The following ITCH variants were observed in gnomAD, a reference collection of about 807,000 sequenced individuals.
The protein encoded by ITCH is itchy E3 ubiquitin protein ligase, also known as E3 ubiquitin-protein ligase Itchy homolog.
In ITCH, 28 loss-of-function variants were observed where a neutral mutation model predicts 126.8. The observed-to-expected ratio is 0.22, with a 90% CI of 0.16 to 0.30. The LOEUF (loss-of-function observed/expected upper bound fraction) is 0.30, where lower values mean the gene tolerates loss of function less well. Among genes scored for constraint, ITCH ranks in the 10% least tolerant of loss-of-function variants. The pLI, the probability that ITCH is intolerant of heterozygous loss-of-function variation, is 1.00. For synonymous variants in ITCH, 342 were observed against 340.0 expected, an observed-to-expected ratio of 1.01 and a Z score of -0.06; for missense variants, 631 against 1,032.4, an observed-to-expected ratio of 0.61 and a Z score of 5.33.
chr20:34,387,085 C>T (rs931124839), intron 2 of ITCH, among the ~76,000 whole-genome samples: 4 of 149,994 alleles, frequency 2.7e-5, no homozygotes, highest in Non-Finnish European at 5.9e-5. Context: ...GGCAGATCAC[C>T]TGAGGTCAGG....
chr20:34,480,862 C>G, intron 19 of ITCH, 130 bp downstream of exon 19: 1 of 980,280 alleles, frequency 1.0e-6, no homozygotes, highest in South Asian at 1.6e-5. Context: ...TCAAACCTGT[C>G]TTTTTATTCA....
At chr20:34,498,947 C>A (rs2146543752) in intron 23 of ITCH, among the ~76,000 whole-genome samples, 1 of 151,014 alleles carries the variant, frequency 6.6e-6, no homozygotes, top group South Asian at 2.1e-4. Flanking sequence ...TCCATTGGTT[C>A]CTAGACTTTT....
intron 4 of ITCH, among the ~76,000 whole-genome samples, chr20:34,411,335 G>A (rs568543881): frequency 6.6e-6 from 1 of 152,058 alleles, no homozygotes; most frequent in Admixed American, 6.6e-5. Context: ...TGTAATTTTA[G>A]TAGAGACGGG....
Position 34,481,063 on chromosome 20 carries a change from C to A in ITCH, c.1953-3C>A, listed in dbSNP as rs946679538. ...ACAAATAGTGCTAATTTCATTTGTG[C>A]AGGGAAAACAATATTGAGGAATGTG... On this transcript the variant is annotated splice_region_variant and splice_polypyrimidine_tract_variant and intron_variant, in intron 19 of 24. Coordinates refer to ENST00000374864, the MANE Select transcript of ITCH (RefSeq NM_031483.7). 15 of 1,612,962 alleles carry A rather than the reference C, an allele frequency of 9.3e-6. No homozygotes were observed. The highest frequency in any genetic ancestry group is 2.7e-5 in the African/African-American group (2 of 74,856).
intron 16 of ITCH, among the ~76,000 whole-genome samples, chr20:34,474,348 A>C (rs1987929788): frequency 6.6e-6 from 1 of 152,176 alleles, no homozygotes; most frequent in African/African-American, 2.4e-5. Flanking sequence ...ACTTGAGATT[A>C]GGGAGTGGTG....
rs1360771805 is a variant in ITCH at position 34,470,136 on chromosome 20, G to T, written c.1497+16G>T. 6.3e-7 allele frequency: 1 copy of T among 1,590,560 alleles called. No homozygotes were observed. The highest frequency in any genetic ancestry group is 1.7e-5 in the Admixed American group (1 of 59,412). ...CTGGTGTCAGGTTAGTATTGGAACTGTATCTCTGTACTGCCTTAACTTTGT... is the reference window on the plus strand; with the variant it reads ...CTGGTGTCAGGTTAGTATTGGAACTTTATCTCTGTACTGCCTTAACTTTGT... On this transcript the variant is annotated intron_variant, in intron 15 of 24. Transcript: ENST00000374864.
intron 24 of ITCH, among the ~76,000 whole-genome samples, chr20:34,505,203 C>A (rs1036613310): frequency 1.3e-5 from 2 of 152,034 alleles, no homozygotes; most frequent in African/African-American, 4.8e-5. Context: ...GTGACCACGC[C>A]CAGCTAATTT....
At chr20:34,442,556 T>C (rs1324339433) in intron 10 of ITCH, among the ~76,000 whole-genome samples, 1 of 152,154 alleles carries the variant, frequency 6.6e-6, no homozygotes, top group Non-Finnish European at 1.5e-5. Context: ...TCTCGCTATG[T>C]CGCCCAGGCT....
At chr20:34,392,475 T>C (rs946096197) in intron 2 of ITCH, among the ~76,000 whole-genome samples, 2 of 152,218 alleles carry the variant, frequency 1.3e-5, no homozygotes, top group Non-Finnish European at 2.9e-5. Context: ...TTGGATTTTA[T>C]AGGGTTCATC....
At chr20:34,384,354 T>C (rs909421115) in intron 2 of ITCH, 2 of 150,180 alleles carry the variant, frequency 1.3e-5, no homozygotes, top group African/African-American at 5.0e-5. Context: ...TGATCTTGTC[T>C]CACTGCAACC....
intron 24 of ITCH, 71 bp from the exon 25 acceptor site, chr20:34,507,624 G>A: frequency 8.8e-7 from 1 of 1,131,570 alleles, no homozygotes; most frequent in Non-Finnish European, 1.3e-6. Context: ...AGTGTATAAA[G>A]TAGTATACTA....
chr20:34,387,233 G>A (rs1167037171), intron 2 of ITCH, among the ~76,000 whole-genome samples: 1 of 151,758 alleles, frequency 6.6e-6, no homozygotes, highest in African/African-American at 2.4e-5. Context: ...AACCCAGGAA[G>A]CAGAGGTTGC....
chr20:34,389,666 AACC>A (rs2038414893), intron 2 of ITCH, among the ~76,000 whole-genome samples: 1 of 152,216 alleles, frequency 6.6e-6, no homozygotes, highest in African/African-American at 2.4e-5. Context: ...AGATCCCTAC[AACC>A]ACTAGAAAGT....
chr20:34,494,720 A>G (rs797021794), intron 23 of ITCH, among the ~76,000 whole-genome samples: 1 of 152,172 alleles, frequency 6.6e-6, no homozygotes, highest in South Asian at 2.1e-4. Context: ...GCACTTTGGG[A>G]GGCTGAGGCA....
intron 3 of ITCH, among the ~76,000 whole-genome samples, chr20:34,398,223 C>T (rs906340383): frequency 5.5e-4 from 84 of 151,704 alleles, no homozygotes; most frequent in African/African-American, 1.9e-3. Flanking sequence ...CCACCACACC[C>T]GGCTAATTTT....
rs2038573701 is a variant in ITCH, at chr20:34,393,854, A to T, written c.43A>T (p.Thr15Ser). Residue 15 changes from threonine (T) to serine (S), a missense_variant, in exon 3 of 25, where the codon ACC becomes TCC. Physicochemically the swap from Thr to Ser is moderately conservative, Grantham distance 58. Around this residue, in one of 4 missense-constraint regions of ITCH, gnomAD observed 19 missense variants for 17.5 expected, o/e 1.08. Transcript: ENST00000374864. ...ACAACTTGGTTCAATGGGTAGCCTC[A>T]CCATGAAATCACAGCTTCAGATCAC... The part of the protein sequence containing the change: ...GSQLGSMGSL[T>S]MKSQLQITVI... 6.2e-7 allele frequency: 1 copy of T among 1,613,940 alleles called. No individual in the cohort carries two copies. The highest frequency in any genetic ancestry group is 1.7e-5 in the Admixed American group (1 of 59,990).
At chr20:34,381,787 C>G (rs903066460) in intron 2 of ITCH, among the ~76,000 whole-genome samples, 10 of 151,516 alleles carry the variant, frequency 6.6e-5, no homozygotes, top group African/African-American at 1.9e-4. Flanking sequence ...TCCCTTGAGC[C>G]CAGGAGTTCC....
intron 3 of ITCH, among the ~76,000 whole-genome samples, chr20:34,406,531 G>A (rs73257146): frequency 6.6e-6 from 1 of 150,400 alleles, no homozygotes; most frequent in Non-Finnish European, 1.5e-5. Context: ...TTAAGCTGCT[G>A]CTTCTTTTTT....
chr20:34,430,174 T>A (rs924200036), intron 7 of ITCH, among the ~76,000 whole-genome samples: 1 of 152,212 alleles, frequency 6.6e-6, no homozygotes, highest in Non-Finnish European at 1.5e-5. Flanking sequence ...GGTACTATTG[T>A]CTCATTTTTA....
Sources: allele counts gnomAD v4.1 joint callset (sites outside exome capture counted in the v4.1 genomes callset), GRCh38; gene constraint gnomAD v4.1.1; regional missense constraint gnomAD v4.1.1; transcripts MANE v1.5; gene names NCBI Gene and HGNC (gene_info 2026-07-23, HGNC 2026-07-21).